The following HSPH1 variants were observed in gnomAD, a reference collection of about 807,000 sequenced individuals.
HSPH1 encodes heat shock protein family H (Hsp110) member 1, also known as heat shock protein 105 kDa.
A neutral mutation model predicts 100.0 loss-of-function variants in HSPH1; 40 were observed. The observed-to-expected ratio is 0.40, with a 90% CI of 0.31 to 0.52. HSPH1 has a LOEUF of 0.52. Ranked by LOEUF, HSPH1 falls within the 20% of genes least tolerant of loss-of-function variation. The probability of loss-of-function intolerance (pLI) is 0.54; values close to 1 mark genes in which losing one functional copy is unlikely to be tolerated. For missense variants in HSPH1, 876 were observed against 1,015.1 expected, an observed-to-expected ratio of 0.86 and a Z score of 1.86; for synonymous variants, 403 against 344.0, an observed-to-expected ratio of 1.17 and a Z score of -1.90.
intron 12 of HSPH1, among the ~76,000 whole-genome samples, chr13:31,141,877 T>C (rs1328114822): frequency 2.6e-5 from 4 of 151,890 alleles, no homozygotes; most frequent in African/African-American, 9.7e-5. Context: ...TAAGCAACTT[T>C]GCAAGGTAAA....
chr13:31,161,656 C>T lies in HSPH1; in HGVS notation c.-74G>A, dbSNP rs1280919387. ...GGCCCCCTGCCTGCTTCTCCTGCCG[C>T]CGCTTTCTGCCCTGGCCGCGTTCTG... is the stretch of plus-strand genomic sequence containing the variant. On this transcript the variant is annotated 5_prime_UTR_variant, in exon 1 of 18. Transcript: ENST00000320027. 2 of 1,586,656 alleles carry T rather than the reference C, an allele frequency of 1.3e-6. No individual in the cohort carries two copies. Among genetic ancestry groups the T allele is most frequent in the South Asian group, 1.1e-5 (1 of 89,296 alleles).
At chr13:31,146,286 C>T (rs1956263982) in intron 10 of HSPH1, among the ~76,000 whole-genome samples, 1 of 152,152 alleles carries the variant, frequency 6.6e-6, no homozygotes. Context: ...ACTATGACCT[C>T]TTAAAATATA....
chr13:31,145,727 C>T lies in HSPH1; in HGVS notation c.1420G>A (p.Glu474Lys). 6.2e-7 allele frequency: 1 copy of T among 1,613,584 alleles called. No homozygotes were observed. ...ACTTTGACTTTTACTCTAGATTTTT[C>T]TCCATCTTTCTGTGCAGAAACATTC... ...VQNVSAQKDG[E>K]KSRVKVKVRV... The change falls in exon 11 of 18, where the codon GAA becomes AAA. Residue 474 changes from glutamate to lysine, a missense_variant. Glu to Lys is a moderately conservative substitution (Grantham distance 56). Coordinates refer to ENST00000320027, the MANE Select transcript of HSPH1 (RefSeq NM_006644.4).
intron 2 of HSPH1, among the ~76,000 whole-genome samples, chr13:31,156,394 C>CAA (rs71099937): frequency 6.1e-5 from 9 of 147,838 alleles, no homozygotes; most frequent in South Asian, 2.1e-4. Context: ...CGTCTCAAAA[C>CAA]AAAAAAAAAA....
chr13:31,137,931 G>A (rs1955944387), intron 17 of HSPH1, among the ~76,000 whole-genome samples: 1 of 152,140 alleles, frequency 6.6e-6, no homozygotes, highest in African/African-American at 2.4e-5. Context: ...GACCTTCACT[G>A]TGTTTGAACA....
rs1468772612 is a variant in HSPH1, at chr13:31,145,764, G to A, written c.1383C>T (p.Arg461=). 8.7e-6 allele frequency: 14 copies of A among 1,613,010 alleles called. No individual in the cohort carries two copies. Among genetic ancestry groups the A allele is most frequent in the Non-Finnish European group, 1.2e-5 (14 of 1,179,446 alleles). ...GVPYPEAKIG[R]FVVQNVSAQK... is the part of the protein sequence containing the mutation. The stretch of plus-strand genomic sequence containing the variant: ...GTGCAGAAACATTCTGAACTACAAA[G>A]CGGCCTAGAACAACAACAACAAAAA... The change falls in exon 11 of 18, where the codon CGC becomes CGT. Residue 461 remains arginine, a synonymous_variant. Coordinates refer to ENST00000320027, the MANE Select transcript of HSPH1 (RefSeq NM_006644.4).
At position 31,138,582 on chromosome 13, in the gene HSPH1, A is replaced by G; in HGVS notation, c.2209-14T>C. 6.3e-7 allele frequency: 1 copy of G among 1,598,698 alleles called. No individual in the cohort carries two copies. ...GTATTTCTCATCCTGAACAAAAATAACACGGTCATTCTGTAGAATTTATTG... is the reference window on the plus strand; with the variant it reads ...GTATTTCTCATCCTGAACAAAAATAGCACGGTCATTCTGTAGAATTTATTG... On this transcript the variant is annotated splice_polypyrimidine_tract_variant and intron_variant, in intron 16 of 17. Coordinates refer to ENST00000320027, the MANE Select transcript of HSPH1 (RefSeq NM_006644.4).
rs111686134 is a variant in HSPH1 at position 31,145,772 on chromosome 13, GAAC to G, written c.1379-7_1379-5del. 87 of 1,612,310 alleles carry G rather than the reference GAAC, an allele frequency of 5.4e-5. No homozygotes were observed. Among genetic ancestry groups the G allele is most frequent in the Middle Eastern group, 1.7e-4 (1 of 6,050 alleles). ...ACATTCTGAACTACAAAGCGGCCTA[GAAC>G]AACAACAACAAAAATCACAAAATCA... On this transcript the variant is annotated splice_polypyrimidine_tract_variant and splice_region_variant and intron_variant, in intron 10 of 17. Coordinates refer to ENST00000320027, the MANE Select transcript of HSPH1 (RefSeq NM_006644.4).
intron 1 of HSPH1, 82 bp downstream of exon 1, chr13:31,161,387 GGTGATCC>G: frequency 6.5e-7 from 1 of 1,538,394 alleles, no homozygotes; most frequent in South Asian, 1.2e-5. Context: ...CGTTTGCCGC[GGTGATCC>G]GTACAGCCAG....
Position 31,140,685 on chromosome 13 carries a change from A to G in HSPH1, c.1855-376T>C, listed in dbSNP as rs113647740. 1,663 of 172,870 alleles carry G rather than the reference A, an allele frequency of 9.6e-3. 28 individuals carry two copies. The highest frequency in any genetic ancestry group is 0.036 in the African/African-American group (1,534 of 42,322). 10.7% of individuals were successfully genotyped at this position (172,870 alleles called of 1,614,324 possible). The stretch of plus-strand genomic sequence containing the variant: ...CACCACTCTGCCACATTTTTAAATC[A>G]AAGATAAATAAATGGACTACAGTTT... On this transcript the variant is annotated intron_variant, in intron 13 of 17. Coordinates refer to ENST00000320027, the MANE Select transcript of HSPH1 (RefSeq NM_006644.4).
At chr13:31,137,701 T>C (rs1317986614) in intron 17 of HSPH1, among the ~76,000 whole-genome samples, 177 bp from the exon 18 acceptor site, 1 of 152,172 alleles carries the variant, frequency 6.6e-6, no homozygotes, top group Non-Finnish European at 1.5e-5. Context: ...CAAAATAGAG[T>C]ATTAATATTC....
intron 13 of HSPH1, 189 bp downstream of exon 13, chr13:31,140,933 G>A (rs1460917268): frequency 9.9e-6 from 4 of 405,738 alleles, no homozygotes; most frequent in African/African-American, 8.3e-5. Flanking sequence ...GTTATATCAA[G>A]CAGAAAGATT....
At chr13:31,148,193 C>A in intron 9 of HSPH1, 101 bp from the exon 10 acceptor site, 1 of 1,267,202 alleles carries the variant, frequency 7.9e-7, no homozygotes, top group Non-Finnish European at 1.1e-6. Flanking sequence ...TTTATCAATT[C>A]TATCTCATCA....
Position 31,138,583 on chromosome 13 carries a change from C to T in HSPH1, c.2209-15G>A. 2 of 1,594,530 alleles carry T rather than the reference C, an allele frequency of 1.3e-6. No individual in the cohort carries two copies. Among genetic ancestry groups the T allele is most frequent in the Non-Finnish European group, 1.7e-6 (2 of 1,171,972 alleles). On this transcript the variant is annotated splice_polypyrimidine_tract_variant and intron_variant, in intron 16 of 17. Transcript: ENST00000320027. ...TATTTCTCATCCTGAACAAAAATAA[C>T]ACGGTCATTCTGTAGAATTTATTGA...
rs575205660 is a variant in HSPH1, at chr13:31,151,118, G to C, written c.737C>G (p.Ala246Gly). The change falls in exon 7 of 18, where the codon GCA becomes GGA. Residue 246 changes from alanine (A) to glycine (G), a missense_variant. Physicochemically the swap from Ala to Gly is moderately conservative, Grantham distance 60 (BLOSUM62 0). Coordinates refer to ENST00000320027, the MANE Select transcript of HSPH1 (RefSeq NM_006644.4). ...FDEKLVEHFC[A>G]EFKTKYKLDA... Reference sequence around the variant, plus strand: ...CAACTTGTACTTAGTTTTAAATTCTGCACAAAAATGTTCCACTAACTTTTC... The same window carrying C: ...CAACTTGTACTTAGTTTTAAATTCTCCACAAAAATGTTCCACTAACTTTTC... 9 of 1,613,490 alleles carry C rather than the reference G, an allele frequency of 5.6e-6. No individual in the cohort carries two copies. In the African/African-American group the frequency reaches 1.1e-4, roughly 19 times the overall value.
intron 2 of HSPH1, among the ~76,000 whole-genome samples, chr13:31,158,421 C>T (rs1420949568): frequency 4.0e-5 from 6 of 151,756 alleles, no homozygotes; most frequent in East Asian, 1.9e-4. Flanking sequence ...TGGTGACACG[C>T]GCCTGTAATC....
At chr13:31,151,916 ACT>A (rs1443797563) in intron 5 of HSPH1, 174 bp from the exon 6 acceptor site, 18 of 571,996 alleles carry the variant, frequency 3.1e-5, no homozygotes, top group Admixed American at 1.0e-4. Context: ...ATTAATTATT[ACT>A]CTCTTTCTGA....
chr13:31,140,987 C>T, intron 13 of HSPH1, 135 bp downstream of exon 13: 1 of 544,808 alleles, frequency 1.8e-6, no homozygotes, highest in Non-Finnish European at 3.0e-6. Flanking sequence ...TTAGTTTTGT[C>T]TTCATCCTAT....
intron 8 of HSPH1, among the ~76,000 whole-genome samples, chr13:31,149,421 TTTTC>T (rs553909506): frequency 6.6e-6 from 1 of 152,298 alleles, no homozygotes; most frequent in Admixed American, 6.5e-5. Flanking sequence ...AAACTAATTA[TTTTC>T]TTTTTTTAAC....
Sources: allele counts gnomAD v4.1 joint callset (sites outside exome capture counted in the v4.1 genomes callset), GRCh38; gene constraint gnomAD v4.1.1; transcripts MANE v1.5; gene names NCBI Gene and HGNC (gene_info 2026-07-23, HGNC 2026-07-21).